The following COBL variants were observed in gnomAD, a reference collection of about 807,000 sequenced individuals.
The protein encoded by COBL is protein cordon-bleu.
A neutral mutation model predicts 98.8 loss-of-function variants in COBL; 51 were observed. The observed-to-expected ratio is 0.52, with a 90% CI of 0.41 to 0.65. The LOEUF is 0.65. Ranked by LOEUF, COBL falls within the 30% of genes least tolerant of loss-of-function variation. COBL has a pLI of 0.00. For missense variants in COBL, 1,617 were observed against 1,617.5 expected (o/e 1.00, Z 0.01); for synonymous variants, 634 against 651.7 (o/e 0.97, Z 0.41).
intron 8 of COBL, chr7:51,033,075 A>T (rs1562822089): frequency 6.6e-6 from 1 of 152,178 alleles, no homozygotes; most frequent in Non-Finnish European, 1.5e-5. Flanking sequence ...ATTAAAAAAA[A>T]TAATAAGATA....
chr7:51,229,130 C>A (rs1049042618), intron 1 of COBL, among the ~76,000 whole-genome samples: 3 of 152,176 alleles, frequency 2.0e-5, no homozygotes, highest in Admixed American at 1.3e-4. Flanking sequence ...CAGGAGCTAA[C>A]GGACAGAAAC....
chr7:51,055,711 C>T (rs985945222), intron 7 of COBL, among the ~76,000 whole-genome samples: 4 of 152,338 alleles, frequency 2.6e-5, no homozygotes, highest in African/African-American at 4.8e-5. Context: ...GGGCTTCCTT[C>T]GTACCTCCCC....
intron 5 of COBL, among the ~76,000 whole-genome samples, chr7:51,161,633 G>A (rs1446373986): frequency 6.6e-6 from 1 of 152,052 alleles, no homozygotes; most frequent in Non-Finnish European, 1.5e-5. Flanking sequence ...TTGTTTGCTT[G>A]TTTTATAAGG....
chr7:51,076,992 TC>T (rs1183549210), intron 7 of COBL, among the ~76,000 whole-genome samples: 1 of 152,224 alleles, frequency 6.6e-6, no homozygotes, highest in Non-Finnish European at 1.5e-5. Context: ...CTAATTATAA[TC>T]AGCACTGCAA....
intron 7 of COBL, among the ~76,000 whole-genome samples, chr7:51,081,169 T>C (rs1247969444): frequency 6.6e-6 from 1 of 151,646 alleles, no homozygotes. Context: ...GAAGGGGAGG[T>C]GGAGTTGAAA....
At chr7:51,106,200 CAAAAAA>C (rs61220710) in intron 6 of COBL, among the ~76,000 whole-genome samples, 53 of 102,828 alleles carry the variant, frequency 5.2e-4, no homozygotes, top group South Asian at 4.2e-3. Flanking sequence ...CGAGATGTCT[CAAAAAA>C]AAAAAAAAAA....
chr7:51,085,123 G>A (rs779208356), intron 7 of COBL, 43 bp downstream of exon 7: 1 of 1,612,332 alleles, frequency 6.2e-7, no homozygotes, highest in South Asian at 1.1e-5. Context: ...CCAGGACAGA[G>A]CAAGCATCCC....
intron 7 of COBL, among the ~76,000 whole-genome samples, chr7:51,062,356 T>A (rs1189572929): frequency 6.6e-6 from 1 of 151,292 alleles, no homozygotes; most frequent in Non-Finnish European, 1.5e-5. Context: ...AAGGTGCAGC[T>A]GCTTCTCCAA....
intron 7 of COBL, among the ~76,000 whole-genome samples, chr7:51,048,889 A>C (rs1313913100): frequency 6.6e-6 from 1 of 152,188 alleles, no homozygotes; most frequent in Non-Finnish European, 1.5e-5. Flanking sequence ...ATTCCTTAAA[A>C]ATGACTGGAT....
intron 3 of COBL, 137 bp downstream of exon 3, chr7:51,193,242 A>C: frequency 1.4e-6 from 1 of 692,768 alleles, no homozygotes; most frequent in East Asian, 2.7e-5. Flanking sequence ...TTTAGTGCCT[A>C]GCTTTGCCTG....
intron 2 of COBL, among the ~76,000 whole-genome samples, chr7:51,205,372 T>A (rs980876093): frequency 6.6e-6 from 1 of 151,650 alleles, no homozygotes; most frequent in African/African-American, 2.4e-5. Context: ...GCATTAAGAG[T>A]CAGCAGATCT....
chr7:51,300,092 T>C (rs1036619766), intron 1 of COBL, among the ~76,000 whole-genome samples: 1 of 152,182 alleles, frequency 6.6e-6, no homozygotes, highest in African/African-American at 2.4e-5. Context: ...CTATTACATG[T>C]GCTCATGCTT....
At chr7:51,103,703 C>A (rs1339418846) in intron 6 of COBL, among the ~76,000 whole-genome samples, 1 of 152,162 alleles carries the variant, frequency 6.6e-6, no homozygotes, top group Non-Finnish European at 1.5e-5. Flanking sequence ...CCTGCAGATA[C>A]CTGTACAACA....
At chr7:51,225,018 T>C (rs1272093303) in intron 1 of COBL, among the ~76,000 whole-genome samples, 1 of 152,124 alleles carries the variant, frequency 6.6e-6, no homozygotes, top group Non-Finnish European at 1.5e-5. Flanking sequence ...ACTGTGTGTG[T>C]GGATGGCCTG....
chr7:51,173,885 C>G (rs1053007132), intron 5 of COBL, among the ~76,000 whole-genome samples: 8 of 152,022 alleles, frequency 5.3e-5, no homozygotes, highest in African/African-American at 1.7e-4. Flanking sequence ...AGTATATTTC[C>G]TATTAATATT....
chr7:51,088,726 G>A (rs1330144313), intron 6 of COBL, among the ~76,000 whole-genome samples: 2 of 152,174 alleles, frequency 1.3e-5, no homozygotes, highest in East Asian at 1.9e-4. Flanking sequence ...GGGATTCCCA[G>A]TGGGGATCTG....
intron 1 of COBL, chr7:51,316,347 A>T (rs182796889): frequency 1.1e-3 from 348 of 311,502 alleles, no homozygotes; most frequent in African/African-American, 7.2e-3. Context: ...CCGCGCGAAA[A>T]GTGCGCTCCG....
chr7:51,264,388 C>T (rs1022926496), intron 1 of COBL, among the ~76,000 whole-genome samples: 5 of 152,120 alleles, frequency 3.3e-5, no homozygotes, highest in African/African-American at 1.2e-4. Context: ...AAGCAACCCC[C>T]GGCCAGGCAT....
At chr7:51,147,755 T>TA (rs1785170813) in intron 5 of COBL, among the ~76,000 whole-genome samples, 2 of 142,840 alleles carry the variant, frequency 1.4e-5, no homozygotes, top group Admixed American at 1.4e-4. Flanking sequence ...TTTCTTTTCT[T>TA]TTTTTTTTTT....
Sources: gnomAD v4.1 joint callset for allele counts (sites outside exome capture counted in the v4.1 genomes callset) on GRCh38, gnomAD v4.1.1 for gene constraint, MANE v1.5 for transcripts, NCBI Gene and HGNC (gene_info 2026-07-23, HGNC 2026-07-21) for gene names.